The following ARL15 variants were observed in gnomAD, a reference collection of about 807,000 sequenced individuals.
ARL15 encodes ARF like GTPase 15.
ARL15 carries 19 observed loss-of-function variants against 25.2 expected under a neutral mutation model. The observed-to-expected ratio is 0.75, with a 90% CI of 0.53 to 1.10. The LOEUF (loss-of-function observed/expected upper bound fraction) is 1.10, where lower values mean the gene tolerates loss of function less well. Among genes scored for constraint, ARL15 ranks in the 50% least tolerant of loss-of-function variants. The probability of loss-of-function intolerance (pLI) is 0.00; values close to 1 mark genes in which losing one functional copy is unlikely to be tolerated. For synonymous variants in ARL15, 94 were observed against 86.8 expected, an observed-to-expected ratio of 1.08 and a Z score of -0.46; for missense variants, 220 against 246.0, an observed-to-expected ratio of 0.89 and a Z score of 0.71.
chr5:54,045,691 T>C (rs928549545), intron 4 of ARL15, among the ~76,000 whole-genome samples: 1 of 152,072 alleles, frequency 6.6e-6, no homozygotes, highest in Non-Finnish European at 1.5e-5. Context: ...TTGCCAAGGT[T>C]GCAGGTTCAG....
At chr5:54,233,765 A>G (rs1338533049) in intron 1 of ARL15, among the ~76,000 whole-genome samples, 1 of 152,220 alleles carries the variant, frequency 6.6e-6, no homozygotes, top group Non-Finnish European at 1.5e-5. Flanking sequence ...GGCTATTAAA[A>G]TATTCTTTTC....
intron 4 of ARL15, among the ~76,000 whole-genome samples, chr5:54,112,960 C>T (rs1397977644): frequency 6.6e-6 from 1 of 152,066 alleles, no homozygotes; most frequent in Non-Finnish European, 1.5e-5. Flanking sequence ...AAAATATAAC[C>T]AGAAACATCT....
At chr5:53,968,554 GA>G (rs2112173868) in intron 4 of ARL15, among the ~76,000 whole-genome samples, 1 of 152,256 alleles carries the variant, frequency 6.6e-6, no homozygotes, top group South Asian at 2.1e-4. Flanking sequence ...AAAGTAGCCA[GA>G]AAGTAATATT....
intron 1 of ARL15, among the ~76,000 whole-genome samples, chr5:54,280,631 T>G (rs1758030355): frequency 6.6e-6 from 1 of 152,240 alleles, no homozygotes; most frequent in African/African-American, 2.4e-5. Flanking sequence ...TATCTTTTAT[T>G]CAGAATTTTT....
chr5:54,261,340 G>T (rs1263913363), intron 1 of ARL15, among the ~76,000 whole-genome samples: 1 of 152,072 alleles, frequency 6.6e-6, no homozygotes, highest in Non-Finnish European at 1.5e-5. Context: ...GAATTCACTG[G>T]GTAGGATTTT....
At chr5:54,250,667 C>T (rs1031546486) in intron 1 of ARL15, among the ~76,000 whole-genome samples, 5 of 151,568 alleles carry the variant, frequency 3.3e-5, no homozygotes, top group Admixed American at 6.6e-5. Context: ...GTAGTAGGGA[C>T]GGGACCAAAA....
chr5:54,078,738 A>G (rs1751693465), intron 4 of ARL15, among the ~76,000 whole-genome samples: 1 of 152,198 alleles, frequency 6.6e-6, no homozygotes, highest in Admixed American at 6.5e-5. Flanking sequence ...TACCAAAAAC[A>G]TCTTAATAGA....
At chr5:54,292,584 C>G (rs1259083784) in intron 1 of ARL15, among the ~76,000 whole-genome samples, 1 of 152,154 alleles carries the variant, frequency 6.6e-6, no homozygotes, top group Non-Finnish European at 1.5e-5. Context: ...AGTTCCTATT[C>G]AAGCGTTTCA....
rs182367044 is a variant in ARL15, at chr5:54,136,206, A to T, written c.253+18374T>A. Reference sequence around the variant, plus strand: ...TAGTACAATTTTATCAGCAAAAAAAATTTTAAAAATGACTACTTAACTAAT... The same window carrying T: ...TAGTACAATTTTATCAGCAAAAAAATTTTTAAAAATGACTACTTAACTAAT... On this transcript the variant is annotated intron_variant, in intron 3 of 4. Transcript: ENST00000504924. Among the ~76,000 whole-genome samples the T allele has an allele frequency of 2.1e-3, 317 of 152,324 alleles. 2 individuals are homozygous for T. The highest frequency in any genetic ancestry group is 0.02 in the South Asian group (98 of 4,826).
chr5:54,223,125 C>T (rs1756424020), intron 1 of ARL15, among the ~76,000 whole-genome samples: 1 of 151,674 alleles, frequency 6.6e-6, no homozygotes, highest in African/African-American at 2.4e-5. Flanking sequence ...AATTATCACG[C>T]ATCATGTTAT....
At chr5:54,269,241 A>ATAAAC (rs1757713341) in intron 1 of ARL15, among the ~76,000 whole-genome samples, 1 of 150,178 alleles carries the variant, frequency 6.7e-6, no homozygotes, top group African/African-American at 2.5e-5. Context: ...ATAAAATAAA[A>ATAAAC]TAAAATAAAA....
intron 1 of ARL15, among the ~76,000 whole-genome samples, chr5:54,201,112 T>G (rs1356904292): frequency 6.6e-6 from 1 of 152,058 alleles, no homozygotes; most frequent in Non-Finnish European, 1.5e-5. Flanking sequence ...TTACCCTCAG[T>G]TCAAATCTAT....
chr5:54,059,733 T>C (rs2112024620), intron 4 of ARL15, among the ~76,000 whole-genome samples: 1 of 152,332 alleles, frequency 6.6e-6, no homozygotes, highest in East Asian at 1.9e-4. Context: ...TTATTCTTAT[T>C]GTGTAGTTAA....
At chr5:54,121,601 T>C (rs1401385674) in intron 3 of ARL15, among the ~76,000 whole-genome samples, 1 of 152,174 alleles carries the variant, frequency 6.6e-6, no homozygotes, top group Non-Finnish European at 1.5e-5. Flanking sequence ...TTCCAAAGCT[T>C]CTAATTTTTT....
At chr5:54,023,946 A>G (rs1398043839) in intron 4 of ARL15, among the ~76,000 whole-genome samples, 1 of 152,106 alleles carries the variant, frequency 6.6e-6, no homozygotes, top group African/African-American at 2.4e-5. Flanking sequence ...GAATTCCCCT[A>G]AAAATCATTT....
intron 1 of ARL15, among the ~76,000 whole-genome samples, chr5:54,200,372 T>A (rs6866862): frequency 6.7e-6 from 1 of 150,158 alleles, no homozygotes; most frequent in Non-Finnish European, 1.5e-5. Context: ...AAAAAGAAAA[T>A]AGAGCATAAT....
At chr5:54,004,990 T>G (rs1485661315) in intron 4 of ARL15, among the ~76,000 whole-genome samples, 4 of 151,740 alleles carry the variant, frequency 2.6e-5, no homozygotes. Context: ...ATGTGTGTTT[T>G]CTTTTTCTTT....
At chr5:54,138,570 G>T (rs923026080) in intron 3 of ARL15, among the ~76,000 whole-genome samples, 1 of 152,082 alleles carries the variant, frequency 6.6e-6, no homozygotes, top group South Asian at 2.1e-4. Context: ...AAGAATTCTA[G>T]AAGAAAACCT....
At chr5:54,062,363 C>G (rs976776068) in intron 4 of ARL15, among the ~76,000 whole-genome samples, 1 of 151,910 alleles carries the variant, frequency 6.6e-6, no homozygotes, top group Non-Finnish European at 1.5e-5. Flanking sequence ...AGCGGCAGAA[C>G]GATATGGTTT....
Sources: allele counts gnomAD v4.1 joint callset (sites outside exome capture counted in the v4.1 genomes callset), GRCh38; gene constraint gnomAD v4.1.1; transcripts MANE v1.5; gene names NCBI Gene and HGNC (gene_info 2026-07-23, HGNC 2026-07-21).